The following UNC13C variants were observed in gnomAD, a reference collection of about 807,000 sequenced individuals.
The protein encoded by UNC13C is unc-13 homolog C.
A neutral mutation model predicts 245.4 loss-of-function variants in UNC13C; 174 were observed. The observed-to-expected ratio is 0.71, with a 90% CI of 0.63 to 0.80. The LOEUF is 0.80. UNC13C is among the 30% of genes least tolerant of loss of function. UNC13C has a pLI of 0.00. For synonymous variants in UNC13C, 992 were observed against 895.1 expected (o/e 1.11, Z -1.93); for missense variants, 2,829 against 2,602.9 (o/e 1.09, Z -1.89).
intron 19 of UNC13C, among the ~76,000 whole-genome samples, chr15:54,468,027 A>G (rs1021348988): frequency 1.3e-5 from 2 of 151,676 alleles, no homozygotes; most frequent in Non-Finnish European, 3.0e-5. Context: ...CAGTTTTCTG[A>G]GACACTTCCA....
In UNC13C at chr15:54,235,237, G is replaced by A. The variant is rs748983853; in HGVS notation, c.3150+129G>A. On this transcript the variant is annotated intron_variant, in intron 5 of 32. Transcript: ENST00000260323. ...GGAATAAAAATATATGAGGCCAGAT[G>A]CTACCTGCTGTTATATTTATTATTA... The A allele has an allele frequency of 4.7e-6, 3 of 635,282 alleles. No individual in the cohort carries two copies. In the South Asian group the frequency reaches 6.9e-5, roughly 15 times the overall value. 39.4% of individuals were successfully genotyped at this position (635,282 alleles called of 1,614,324 possible).
At chr15:53,971,726 T>A in the UNC13C span, among the ~76,000 whole-genome samples, 1 of 152,148 alleles carries the variant, frequency 6.6e-6, no homozygotes, top group South Asian at 2.1e-4. Context: ...AGAAAGATTT[T>A]ATTATCTCCC....
At chr15:54,515,303 A>G (rs895771845) in intron 24 of UNC13C, among the ~76,000 whole-genome samples, 2 of 152,188 alleles carry the variant, frequency 1.3e-5, no homozygotes, top group Non-Finnish European at 2.9e-5. Context: ...GTCCCTTTAT[A>G]ACACAATAAC....
chr15:54,356,745 A>AT (rs1042980133), intron 17 of UNC13C, among the ~76,000 whole-genome samples: 5 of 152,116 alleles, frequency 3.3e-5, no homozygotes, highest in African/African-American at 1.2e-4. Context: ...AAAACATATG[A>AT]TTTTTTGTGG....
intron 2 of UNC13C, among the ~76,000 whole-genome samples, chr15:54,043,744 A>T (rs1896910820): frequency 1.3e-5 from 2 of 151,826 alleles, no homozygotes. Flanking sequence ...GGGGTGTCCT[A>T]CTCTTTTCAT....
chr15:54,608,888 G>T, intron 30 of UNC13C, among the ~76,000 whole-genome samples: 1 of 152,156 alleles, frequency 6.6e-6, no homozygotes, highest in East Asian at 1.9e-4. Flanking sequence ...TGATTTAAAA[G>T]ATCAGAGCAG....
chr15:54,507,361 A>G (rs990408027), intron 23 of UNC13C, among the ~76,000 whole-genome samples, 167 bp downstream of exon 23: 9 of 152,086 alleles, frequency 5.9e-5, no homozygotes, highest in African/African-American at 2.2e-4. Flanking sequence ...ACTGGTTTTA[A>G]TACAGGATTT....
At chr15:54,416,380 A>G (rs1165160217) in intron 19 of UNC13C, among the ~76,000 whole-genome samples, 2 of 152,200 alleles carry the variant, frequency 1.3e-5, no homozygotes, top group African/African-American at 4.8e-5. Context: ...ATAGATCATA[A>G]TATCTAGTTT....
At chr15:54,121,494 C>CTG (rs147844837) in intron 2 of UNC13C, among the ~76,000 whole-genome samples, 18 of 151,480 alleles carry the variant, frequency 1.2e-4, no homozygotes, top group African/African-American at 3.9e-4. Flanking sequence ...TGTGGTATGC[C>CTG]TGTGTGTGTG....
rs1020850390 is a variant in UNC13C, at chr15:54,332,124, T to C, written c.4494+13T>C. On this transcript the variant is annotated intron_variant, in intron 15 of 32. Transcript: ENST00000260323. ...GTCAAAGTATAGGGTATGTACAAAT[T>C]TACTTGCCTAAAAGAAAACTGTTGT... The C allele has an allele frequency of 3.9e-6, 6 of 1,524,414 alleles. No individual in the cohort carries two copies. Among genetic ancestry groups the C allele is most frequent in the Non-Finnish European group, 5.3e-6 (6 of 1,130,286 alleles). The allele number at this position is 1,524,414 out of a possible 1,614,324, so 94.4% of individuals were successfully genotyped here. A position where few individuals can be genotyped will look rare whatever the true frequency, so the allele number is the denominator to read the frequency against.
Position 54,346,723 on chromosome 15 carries a change from C to T in UNC13C, c.4713+8234C>T, listed in dbSNP as rs535217058. Among the ~76,000 whole-genome samples the T allele has an allele frequency of 3.8e-4, 58 of 152,260 alleles. 2 individuals are homozygous for T. The highest frequency in any genetic ancestry group is 1.3e-3 in the African/African-American group (55 of 41,548). On this transcript the variant is annotated intron_variant, in intron 17 of 32. Coordinates refer to ENST00000260323, the MANE Select transcript of UNC13C (RefSeq NM_001080534.3). Reference sequence around the variant, plus strand: ...GTGGTATTTTCCTTGGCTGAATTGCCAGGCTCCGCATCTGCACTTCAGTTT... The same window carrying T: ...GTGGTATTTTCCTTGGCTGAATTGCTAGGCTCCGCATCTGCACTTCAGTTT...
At chr15:54,363,165 A>G (rs2039275367) in intron 17 of UNC13C, among the ~76,000 whole-genome samples, 1 of 152,144 alleles carries the variant, frequency 6.6e-6, no homozygotes, top group South Asian at 2.1e-4. Context: ...CTGGAGTGCA[A>G]TGGCACGATC....
At chr15:54,505,124 A>G (rs1399023303) in intron 22 of UNC13C, among the ~76,000 whole-genome samples, 1 of 152,052 alleles carries the variant, frequency 6.6e-6, no homozygotes, top group Non-Finnish European at 1.5e-5. Context: ...ACTCCTCATG[A>G]CTATTTCTTT....
intron 30 of UNC13C, among the ~76,000 whole-genome samples, chr15:54,581,958 A>G (rs921837315): frequency 6.6e-6 from 1 of 152,072 alleles, no homozygotes; most frequent in African/African-American, 2.4e-5. Context: ...TGGGAGACCT[A>G]GAAGGAGAGG....
chr15:54,603,427 T>A (rs1899560138), intron 30 of UNC13C, among the ~76,000 whole-genome samples: 1 of 152,216 alleles, frequency 6.6e-6, no homozygotes, highest in South Asian at 2.1e-4. Context: ...TTGTTCATTA[T>A]TCCACAGTTA....
chr15:53,881,332 A>T, the UNC13C span, among the ~76,000 whole-genome samples: 30,624 of 152,144 alleles, frequency 0.2, 3,472 homozygotes, highest in Non-Finnish European at 0.25. Context: ...AGCATGTGGA[A>T]TGCTTCCCGT....
At chr15:54,264,986 T>C (rs1464724291) in intron 9 of UNC13C, among the ~76,000 whole-genome samples, 1 of 152,008 alleles carries the variant, frequency 6.6e-6, no homozygotes, top group Non-Finnish European at 1.5e-5. Flanking sequence ...GGCAGACTCA[T>C]AAATAAATCA....
At chr15:54,058,257 C>G (rs1345206531) in intron 2 of UNC13C, among the ~76,000 whole-genome samples, 1 of 151,980 alleles carries the variant, frequency 6.6e-6, no homozygotes, top group Admixed American at 6.6e-5. Context: ...CAAATAGACA[C>G]AATAAAAAAT....
chr15:54,349,876 G>T (rs965412379), intron 17 of UNC13C, among the ~76,000 whole-genome samples: 1 of 152,182 alleles, frequency 6.6e-6, no homozygotes, highest in Non-Finnish European at 1.5e-5. Context: ...ATATTGTGGG[G>T]CACTTAGGAA....
Sources: gnomAD v4.1 joint callset for allele counts (sites outside exome capture counted in the v4.1 genomes callset) on GRCh38, gnomAD v4.1.1 for gene constraint, MANE v1.5 for transcripts, NCBI Gene and HGNC (gene_info 2026-07-23, HGNC 2026-07-21) for gene names.